The following CBARP variants were observed in gnomAD, a reference collection of about 807,000 sequenced individuals.
The protein encoded by CBARP is CACN subunit beta associated regulatory protein.
Under a neutral mutation model 36.3 loss-of-function variants are expected in CBARP, and 24 were observed. The ratio of observed to expected loss-of-function variants is 0.66; its 90% confidence interval spans 0.48 to 0.93. The LOEUF (loss-of-function observed/expected upper bound fraction) is 0.93. Among genes scored for constraint, CBARP ranks in the 40% least tolerant of loss-of-function variants. The probability of loss-of-function intolerance (pLI) is 0.00; values close to 1 mark genes in which losing one functional copy is unlikely to be tolerated. For synonymous variants in CBARP, 586 were observed against 453.2 expected (o/e 1.29, Z -3.72); for missense variants, 1,146 against 980.4 (o/e 1.17, Z -2.26).
At chr19:1,232,887 C>G (rs2080912489) in intron 8 of CBARP, among the ~76,000 whole-genome samples, 2 of 152,212 alleles carry the variant, frequency 1.3e-5, no homozygotes, top group Admixed American at 6.5e-5. Context: ...AGTCTGCTGA[C>G]CCCTGGCCCA....
At chr19:1,234,056 G>T in intron 7 of CBARP, 135 bp downstream of exon 7, 1 of 1,082,918 alleles carries the variant, frequency 9.2e-7, no homozygotes, top group Non-Finnish European at 1.2e-6. Context: ...TCTCCCGTGT[G>T]CAATGACCCG....
rs529638447 is a variant in CBARP, at chr19:1,228,310, C to G, written c.*869G>C. 3.8e-6 allele frequency: 1 copy of G among 265,390 alleles called. No individual in the cohort carries two copies. Among genetic ancestry groups the G allele is most frequent in the Non-Finnish European group, 6.8e-6 (1 of 147,718 alleles). The allele number at this position is 265,390 out of a possible 1,614,324, so 16.4% of individuals were successfully genotyped here. ...AGTGTGCGGTCAATATTTATATCAT[C>G]CAGAAAAGAAAAACACGAGAAACGC... On this transcript the variant is annotated 3_prime_UTR_variant, in exon 10 of 10. Transcript: ENST00000650044.
chr19:1,229,764 G>T lies in CBARP; in HGVS notation c.1533C>A (p.Arg511=). The change falls in exon 10 of 10, where the codon CGC becomes CGA. Residue 511 remains arginine, a synonymous_variant. Transcript: ENST00000650044. The surrounding 1 kb of genome is among the most constrained non-coding windows in gnomAD (Gnocchi z 5.1). ...GTGGCTCGGTGTCGTCGCCTGCGCC[G>T]CGGCCCTCGATGCTGGCGTAGCCAC... ...MDSGYASIEG[R]GAGDDTEPPA... 9.9e-7 allele frequency: 1 copy of T among 1,011,902 alleles called. No individual in the cohort carries two copies. The allele number at this position is 1,011,902 out of a possible 1,614,324, so 62.7% of individuals were successfully genotyped here. A position where few individuals can be genotyped will look rare whatever the true frequency, so the allele number is the denominator to read the frequency against.
intron 1 of CBARP, 128 bp from the exon 2 acceptor site, chr19:1,236,249 C>T (rs2080971381): frequency 1.2e-5 from 15 of 1,275,118 alleles, no homozygotes; most frequent in Non-Finnish European, 1.5e-5. Flanking sequence ...GGAGAGGTAG[C>T]AGAGCCGGAG....
chr19:1,229,587 G>C lies in CBARP; in HGVS notation c.1710C>G (p.Arg570=). ...FDDTPAAARH[R]ARAHPHARKQ... is the part of the protein sequence containing the mutation. Reference sequence around the variant, plus strand: ...TGCGGGCGTGCGGGTGCGCGCGGGCGCGGTGTCGCGCGGCAGCCGGCGTGT... The same window carrying C: ...TGCGGGCGTGCGGGTGCGCGCGGGCCCGGTGTCGCGCGGCAGCCGGCGTGT... The change falls in exon 10 of 10, where the codon CGC becomes CGG. Residue 570 remains arginine, a synonymous_variant. Coordinates refer to ENST00000650044, the MANE Select transcript of CBARP (RefSeq NM_001393918.1). The surrounding 1 kb of genome is among the most constrained non-coding windows in gnomAD (Gnocchi z 5.1). 1 of 1,181,532 alleles carries C rather than the reference G, an allele frequency of 8.5e-7. No homozygotes were observed. Among genetic ancestry groups the C allele is most frequent in the Non-Finnish European group, 1.1e-6 (1 of 938,848 alleles). 73.2% of individuals were successfully genotyped at this position (1,181,532 alleles called of 1,614,324 possible). A position where few individuals can be genotyped will look rare whatever the true frequency, so the allele number is the denominator to read the frequency against.
Position 1,229,586 on chromosome 19 carries a change from C to T in CBARP, c.1711G>A (p.Ala571Thr). The T allele has an allele frequency of 8.5e-7, 1 of 1,179,680 alleles. No homozygotes were observed. The highest frequency in any genetic ancestry group is 1.5e-5 in the South Asian group (1 of 68,782). The allele number at this position is 1,179,680 out of a possible 1,614,324, so 73.1% of individuals were successfully genotyped here. Reference sequence around the variant, plus strand: ...TTGCGGGCGTGCGGGTGCGCGCGGGCGCGGTGTCGCGCGGCAGCCGGCGTG... The same window carrying T: ...TTGCGGGCGTGCGGGTGCGCGCGGGTGCGGTGTCGCGCGGCAGCCGGCGTG... ...DDTPAAARHR[A>T]RAHPHARKQW... The change falls in exon 10 of 10, where the codon GCC becomes ACC. Residue 571 changes from alanine to threonine, a missense_variant. Coordinates refer to ENST00000650044, the MANE Select transcript of CBARP (RefSeq NM_001393918.1). The surrounding 1 kb of genome is among the most constrained non-coding windows in gnomAD (Gnocchi z 5.1).
At chr19:1,234,103 AGGTTGACCTT>A (rs1356434794) in intron 7 of CBARP, 78 bp downstream of exon 7, 1 of 1,368,456 alleles carries the variant, frequency 7.3e-7, no homozygotes, top group Non-Finnish European at 9.5e-7. Context: ...GGCAGGTCAT[AGGTTGACCTT>A]GGTCCTGGAC....
In CBARP at chr19:1,234,624, C is replaced by G. The variant is rs1405306850; in HGVS notation, c.574G>C (p.Ala192Pro). Reference protein sequence around the residue: ...HECDSGEASSATTPHPATSPK... With the variant: ...HECDSGEASSPTTPHPATSPK... ...GAGGTGGCCGGGTGGGGCGTGGTGG[C>G]TGAGCTGGCCTCGCCTGAGTCACAC... is the stretch of plus-strand genomic sequence containing the variant. Residue 192 changes from alanine (A) to proline (P), a missense_variant, in exon 6 of 10, where the codon GCC becomes CCC. By Grantham distance (27) the Ala-to-Pro change is conservative. Transcript: ENST00000650044. The G allele has an allele frequency of 3.1e-6, 5 of 1,609,742 alleles. No individual in the cohort carries two copies. Among genetic ancestry groups the G allele is most frequent in the Middle Eastern group, 3.3e-4 (2 of 6,032 alleles).
intron 8 of CBARP, among the ~76,000 whole-genome samples, chr19:1,231,617 GCCTGTACCCTCCTACACACAGAACA>G (rs1406682162): frequency 9.8e-6 from 1 of 102,144 alleles, no homozygotes; most frequent in Non-Finnish European, 1.9e-5. Flanking sequence ...CCCACAGAAT[GCCTGTACCCTCCTACACACAGAACA>G]CCTGTGGCCC....
Position 1,229,821 on chromosome 19 carries a change from G to A in CBARP, c.1476C>T (p.Asp492=). The part of the protein sequence containing the change: ...PPSPPAPRPK[D]GEARRLLQMD... ...TCTGCAGCAGCCGGCGCGCCTCGCC[G>A]TCCTTGGGCCGCGGCGCGGGCGGGG... The change falls in exon 10 of 10, where the codon GAC becomes GAT. Residue 492 remains aspartate, a synonymous_variant. Transcript: ENST00000650044. The surrounding 1 kb of genome is among the most constrained non-coding windows in gnomAD (Gnocchi z 5.1). 1.0e-6 allele frequency: 1 copy of A among 987,658 alleles called. No homozygotes were observed. Among genetic ancestry groups the A allele is most frequent in the Non-Finnish European group, 1.2e-6 (1 of 831,946 alleles). 61.2% of individuals were successfully genotyped at this position (987,658 alleles called of 1,614,324 possible).
In CBARP at chr19:1,231,298, G is replaced by C. The variant is rs766759745; in HGVS notation, c.980-23C>G. 18 of 1,592,408 alleles carry C rather than the reference G, an allele frequency of 1.1e-5. No individual in the cohort carries two copies. The South Asian group carries it at 1.4e-4, about 13-fold the overall frequency. The stretch of plus-strand genomic sequence containing the variant: ...AACCTGCGCACGGGATGTGCCGTAA[G>C]CGTCAGCCGGCATGTGCCTCCACCC... On this transcript the variant is annotated intron_variant, in intron 8 of 9. Coordinates refer to ENST00000650044, the MANE Select transcript of CBARP (RefSeq NM_001393918.1).
intron 1 of CBARP, 108 bp from the exon 2 acceptor site, chr19:1,236,229 A>T (rs2080971016): frequency 7.5e-7 from 1 of 1,334,050 alleles, no homozygotes; most frequent in Non-Finnish European, 9.6e-7. Flanking sequence ...CACAGGGGGC[A>T]GTGACTCATG....
intron 9 of CBARP, chr19:1,230,520 A>G (rs2080876071): frequency 3.8e-5 from 39 of 1,027,224 alleles, no homozygotes; most frequent in East Asian, 8.3e-5. Flanking sequence ...CCCCTGCTCC[A>G]GGCTAGGGCT....
intron 8 of CBARP, among the ~76,000 whole-genome samples, chr19:1,231,528 AACGCCTGTGGCCCCCTCACACACAC>A (rs1371568823): frequency 3.4e-5 from 2 of 58,318 alleles, no homozygotes; most frequent in South Asian, 8.6e-4. Flanking sequence ...CCCACCACAG[AACGCCTGTGGCCCCCTCACACACAC>A]ACGCCTGTGC....
intron 8 of CBARP, among the ~76,000 whole-genome samples, 163 bp downstream of exon 8, chr19:1,233,263 A>G (rs948084879): frequency 6.6e-6 from 1 of 152,186 alleles, no homozygotes; most frequent in African/African-American, 2.4e-5. Context: ...CCACCTGCAG[A>G]ACCTCAGGCA....
chr19:1,234,906 TG>T (rs1421274332), intron 5 of CBARP, 94 bp downstream of exon 5: 20 of 1,514,562 alleles, frequency 1.3e-5, no homozygotes, highest in Non-Finnish European at 1.8e-5. Flanking sequence ...GCCTCTGCCT[TG>T]GTCCCTGCAG....
At position 1,229,875 on chromosome 19, in the gene CBARP, C is replaced by T; in HGVS notation, c.1422G>A (p.Gly474=). The change falls in exon 10 of 10, where the codon GGG becomes GGA. Residue 474 remains glycine (G), a synonymous_variant. Transcript: ENST00000650044. This position sits in a 1 kb window ranked among gnomAD's most constrained non-coding sequence, Gnocchi z 5.1. ...RSGDSSGSGS[G]GAAPAFPPPS... ...GCGGCGGGAAGGCGGGCGCCGCGCC[C>T]CCGGAGCCTGAGCCCGAGCTGTCGC... The T allele has an allele frequency of 9.9e-7, 1 of 1,011,764 alleles. No individual in the cohort carries two copies. Among genetic ancestry groups the T allele is most frequent in the Non-Finnish European group, 1.2e-6 (1 of 843,294 alleles). The allele number at this position is 1,011,764 out of a possible 1,614,324, so 62.7% of individuals were successfully genotyped here. A position where few individuals can be genotyped will look rare whatever the true frequency, so the allele number is the denominator to read the frequency against.
Position 1,229,374 on chromosome 19 carries a change from G to A in CBARP, c.1923C>T (p.Pro641=). 1.7e-6 allele frequency: 2 copies of A among 1,151,098 alleles called. No individual in the cohort carries two copies. Among genetic ancestry groups the A allele is most frequent in the Non-Finnish European group, 2.2e-6 (2 of 918,310 alleles). 71.3% of individuals were successfully genotyped at this position (1,151,098 alleles called of 1,614,324 possible). A position where few individuals can be genotyped will look rare whatever the true frequency, so the allele number is the denominator to read the frequency against. ...CGCCGCCCGGCTCCTCCTCGATGAC[G>A]GGGATGGCGGGGTCGTCGCCGGCGC... ...LGGAGDDPAI[P]VIEEEPGGGG... is the part of the protein sequence containing the mutation. The change falls in exon 10 of 10, where the codon CCC becomes CCT. Residue 641 remains proline (P), a synonymous_variant. Coordinates refer to ENST00000650044, the MANE Select transcript of CBARP (RefSeq NM_001393918.1). The surrounding 1 kb of genome is among the most constrained non-coding windows in gnomAD (Gnocchi z 5.1).
At chr19:1,230,437 T>G in intron 9 of CBARP, 3 of 990,674 alleles carry the variant, frequency 3.0e-6, no homozygotes, top group Non-Finnish European at 3.6e-6. Context: ...TCTCCGGGAG[T>G]CACGTTTTCC....
Sources: gnomAD v4.1 joint callset for allele counts (sites outside exome capture counted in the v4.1 genomes callset) on GRCh38, gnomAD v4.1.1 for gene constraint, Gnocchi (gnomAD v3.1) non-coding constraint, MANE v1.5 for transcripts, NCBI Gene and HGNC (gene_info 2026-07-23, HGNC 2026-07-21) for gene names.